The following CUL2 variants were observed in gnomAD, a reference collection of about 807,000 sequenced individuals.
The protein encoded by CUL2 is cullin 2, also known as cullin-2.
Under a neutral mutation model 110.2 loss-of-function variants are expected in CUL2, and 22 were observed. That is an observed-to-expected ratio of 0.20 (90% CI 0.14 to 0.28). The LOEUF (loss-of-function observed/expected upper bound fraction) is 0.28. Among genes scored for constraint, CUL2 ranks in the 10% least tolerant of loss-of-function variants. CUL2 has a pLI of 1.00. For missense variants in CUL2, 631 were observed against 905.5 expected, an observed-to-expected ratio of 0.70 and a Z score of 3.89; for synonymous variants, 279 against 293.2, an observed-to-expected ratio of 0.95 and a Z score of 0.49.
intron 19 of CUL2, 50 bp from the exon 20 acceptor site, chr10:35,012,014 G>T: frequency 3.8e-6 from 4 of 1,063,894 alleles, no homozygotes; most frequent in South Asian, 2.9e-5. Flanking sequence ...TTAAGTCACT[G>T]AACTTGTTTT....
At chr10:35,049,580 C>A in intron 6 of CUL2, 103 bp downstream of exon 6, 3 of 844,394 alleles carry the variant, frequency 3.6e-6, no homozygotes, top group South Asian at 3.9e-5. Flanking sequence ...TACAGTAAAA[C>A]CAGCCCCAAG....
chr10:35,056,745 C>T (rs1456127409), intron 4 of CUL2, among the ~76,000 whole-genome samples: 1 of 152,210 alleles, frequency 6.6e-6, no homozygotes, highest in Non-Finnish European at 1.5e-5. Flanking sequence ...TGTCATATTA[C>T]CATTTACATA....
intron 1 of CUL2, among the ~76,000 whole-genome samples, chr10:35,119,532 A>C (rs1663847152): frequency 6.6e-6 from 1 of 151,686 alleles, no homozygotes; most frequent in Admixed American, 6.6e-5. Context: ...TAGGTATACT[A>C]TAATTTTTAG....
intron 1 of CUL2, among the ~76,000 whole-genome samples, chr10:35,084,170 G>A (rs183257784): frequency 3.9e-5 from 6 of 152,206 alleles, no homozygotes; most frequent in Non-Finnish European, 7.4e-5. Flanking sequence ...CCAGCTACTT[G>A]GGAGGCTGAG....
At chr10:35,089,509 G>C (rs2135077653) in intron 1 of CUL2, among the ~76,000 whole-genome samples, 1 of 152,282 alleles carries the variant, frequency 6.6e-6, no homozygotes, top group South Asian at 2.1e-4. Context: ...AAATTTAAAC[G>C]CCCAGGGTAC....
intron 10 of CUL2, among the ~76,000 whole-genome samples, chr10:35,034,937 G>T (rs900135554): frequency 1.3e-5 from 2 of 152,166 alleles, no homozygotes; most frequent in African/African-American, 4.8e-5. Flanking sequence ...GTTAACAACT[G>T]TTCAATGGAC....
chr10:35,098,688 T>C (rs949056155), intron 2 of CUL2, among the ~76,000 whole-genome samples: 3 of 152,116 alleles, frequency 2.0e-5, no homozygotes, highest in Admixed American at 6.6e-5. Flanking sequence ...CCCAGCACTT[T>C]GGGAAGCCAA....
intron 9 of CUL2, among the ~76,000 whole-genome samples, chr10:35,038,655 A>T (rs1399589664): frequency 2.0e-5 from 3 of 151,360 alleles, no homozygotes; most frequent in Non-Finnish European, 4.4e-5. Context: ...GTTTATCAGG[A>T]ATTCTAAATG....
rs764798632 is a variant in CUL2, at chr10:35,010,365, T to C, written c.2184A>G (p.Lys728=). The C allele has an allele frequency of 1.2e-6, 2 of 1,613,130 alleles. No individual in the cohort carries two copies. Among genetic ancestry groups the C allele is most frequent in the Non-Finnish European group, 1.7e-6 (2 of 1,179,570 alleles). ...IKKCIEVLID[K]QYIERSQASA... ...ACGCCTGGCTGCGTTCTATGTATTG[T>C]TTGTCTATCAGAACTTCAATACACT... Residue 728 remains lysine (K), a synonymous_variant, in exon 21 of 21, where the codon AAA becomes AAG. Coordinates refer to ENST00000374749, the MANE Select transcript of CUL2 (RefSeq NM_003591.4).
chr10:35,087,196 C>T (rs760467598), intron 1 of CUL2, among the ~76,000 whole-genome samples: 1 of 152,198 alleles, frequency 6.6e-6, no homozygotes, highest in Non-Finnish European at 1.5e-5. Context: ...GTACTACAGG[C>T]GTGCGCCACC....
intron 9 of CUL2, among the ~76,000 whole-genome samples, chr10:35,038,116 C>A (rs368518633): frequency 6.6e-6 from 1 of 151,802 alleles, no homozygotes; most frequent in Non-Finnish European, 1.5e-5. Flanking sequence ...TGCCATTGCA[C>A]TCCAGCCTGG....
intron 6 of CUL2, among the ~76,000 whole-genome samples, chr10:35,046,040 A>C (rs192876344): frequency 1.8e-4 from 27 of 152,338 alleles, no homozygotes; most frequent in African/African-American, 6.0e-4. Context: ...ACCTTTACAT[A>C]CTAGAGTCCT....
chr10:35,015,450 G>T (rs1038614055), intron 18 of CUL2, among the ~76,000 whole-genome samples: 5 of 152,092 alleles, frequency 3.3e-5, no homozygotes, highest in African/African-American at 1.2e-4. Context: ...AGGGATGTCA[G>T]CAAAATGAAT....
intron 10 of CUL2, 25 bp downstream of exon 10, chr10:35,035,147 C>A: frequency 1.2e-6 from 2 of 1,613,870 alleles, no homozygotes; most frequent in Non-Finnish European, 1.7e-6. Context: ...AGGAGGAAAA[C>A]ATTGCAGTTT....
intron 6 of CUL2, 31 bp downstream of exon 6, chr10:35,049,652 T>A (rs372509367): frequency 1.3e-6 from 2 of 1,559,178 alleles, no homozygotes; most frequent in Non-Finnish European, 1.8e-6. Context: ...CAAAATAAAA[T>A]TGACTCAGTA....
chr10:35,101,747 A>C (rs2087381542), intron 1 of CUL2, among the ~76,000 whole-genome samples: 1 of 152,240 alleles, frequency 6.6e-6, no homozygotes, highest in African/African-American at 2.4e-5. Flanking sequence ...AAGCATAATT[A>C]GAAGATGTAT....
chr10:35,087,459 C>T (rs955097262), intron 1 of CUL2, among the ~76,000 whole-genome samples: 14 of 152,200 alleles, frequency 9.2e-5, no homozygotes, highest in African/African-American at 2.9e-4. Context: ...GAGAAGCCCT[C>T]GTTGGATGGC....
In CUL2 at chr10:35,055,426, G is replaced by T. The variant is rs556997604; in HGVS notation, c.318-887C>A. On this transcript the variant is annotated intron_variant, in intron 4 of 20. Coordinates refer to ENST00000374749, the MANE Select transcript of CUL2 (RefSeq NM_003591.4). ...CAACCAAAACAAGACAACAATTTTG[G>T]GAAACAATTAAACACATAATTCCTG... Among the ~76,000 whole-genome samples the T allele has an allele frequency of 1.2e-4, 18 of 152,248 alleles. 1 individual carries two copies. The South Asian group carries it at 3.7e-3, about 32-fold the overall frequency.
In CUL2 at chr10:35,031,402, T is replaced by C. The variant is rs2085476705; in HGVS notation, c.1300-16A>G. On this transcript the variant is annotated splice_polypyrimidine_tract_variant and intron_variant, in intron 13 of 20. Coordinates refer to ENST00000374749, the MANE Select transcript of CUL2 (RefSeq NM_003591.4). The surrounding 1 kb of genome is among the most constrained non-coding windows in gnomAD (Gnocchi z 4.4). ...TTGCGTAGAACTACATTTAAAAATATTTTAAAAGATTACTTCCTTTCTAAT... is the reference window on the plus strand; with the variant it reads ...TTGCGTAGAACTACATTTAAAAATACTTTAAAAGATTACTTCCTTTCTAAT... The C allele has an allele frequency of 6.2e-7, 1 of 1,600,032 alleles. No homozygotes were observed. The highest frequency in any genetic ancestry group is 8.5e-7 in the Non-Finnish European group (1 of 1,173,142).
Sources: gnomAD v4.1 joint callset for allele counts (sites outside exome capture counted in the v4.1 genomes callset) on GRCh38, gnomAD v4.1.1 for gene constraint, Gnocchi (gnomAD v3.1) non-coding constraint, MANE v1.5 for transcripts, NCBI Gene and HGNC (gene_info 2026-07-23, HGNC 2026-07-21) for gene names.